The following NPTXR variants were observed in gnomAD, a reference collection of about 807,000 sequenced individuals.
NPTXR encodes neuronal pentraxin receptor.
Under a neutral mutation model 32.2 loss-of-function variants are expected in NPTXR, and 12 were observed. The observed-to-expected ratio is 0.37, with a 90% CI of 0.24 to 0.60. The LOEUF (loss-of-function observed/expected upper bound fraction) is 0.60. NPTXR is among the 20% of genes least tolerant of loss of function. The pLI, the probability that NPTXR is intolerant of heterozygous loss-of-function variation, is 0.66. For missense variants in NPTXR, 612 were observed against 682.9 expected (o/e 0.90, Z 1.16); for synonymous variants, 323 against 315.8 (o/e 1.02, Z -0.24).
In NPTXR at chr22:38,820,599, GC is replaced by G. The variant is rs1178828088; in HGVS notation, c.*2009del. On this transcript the variant is annotated 3_prime_UTR_variant, in exon 5 of 5. Transcript: ENST00000333039. The stretch of plus-strand genomic sequence containing the variant: ...TCCCCGCACTTCCTGGGGTGGGGAT[GC>G]CAAGATGTTTGGGTGTTGCATAAAG... 1.3e-5 allele frequency: 2 copies of G among 152,236 alleles called. No homozygotes were observed. Among genetic ancestry groups the G allele is most frequent in the African/African-American group, 4.8e-5 (2 of 41,430 alleles). 9.4% of individuals were successfully genotyped at this position (152,236 alleles called of 1,614,324 possible). A position where few individuals can be genotyped will look rare whatever the true frequency, so the allele number is the denominator to read the frequency against.
At chr22:38,823,839 C>T (rs1405200312) in intron 3 of NPTXR, among the ~76,000 whole-genome samples, 1 of 152,190 alleles carries the variant, frequency 6.6e-6, no homozygotes, top group Non-Finnish European at 1.5e-5. Context: ...TCACGAGCCT[C>T]GATTTAGCTC....
In NPTXR at chr22:38,823,112, G is replaced by A; in HGVS notation, c.1249C>T (p.His417Tyr). Residue 417 changes from histidine to tyrosine, a missense_variant, in exon 4 of 5, where the codon CAT becomes TAT. Coordinates refer to ENST00000333039, the MANE Select transcript of NPTXR (RefSeq NM_014293.4). ...TCCTGGCCCAAGATAAGGATCCCAT[G>A]AGGCTTGATGGGGTGCCAGGCAGCC... 1 of 1,614,194 alleles carries A rather than the reference G, an allele frequency of 6.2e-7. No homozygotes were observed. The highest frequency in any genetic ancestry group is 8.5e-7 in the Non-Finnish European group (1 of 1,180,028).
intron 1 of NPTXR, among the ~76,000 whole-genome samples, chr22:38,837,467 G>A (rs1038645744): frequency 1.3e-5 from 2 of 152,232 alleles, no homozygotes; most frequent in Admixed American, 6.5e-5. Context: ...CTTCTAGAAT[G>A]GGCAGCAAAG....
At chr22:38,840,617 A>G (rs1340718249) in intron 1 of NPTXR, among the ~76,000 whole-genome samples, 1 of 152,022 alleles carries the variant, frequency 6.6e-6, no homozygotes, top group South Asian at 2.1e-4. Context: ...GCTGAAACAC[A>G]GTGTGGTTAG....
intron 1 of NPTXR, among the ~76,000 whole-genome samples, chr22:38,835,564 C>T (rs889865813): frequency 6.6e-6 from 1 of 152,146 alleles, no homozygotes; most frequent in African/African-American, 2.4e-5. Context: ...TGTCTAAAGA[C>T]CCCTCTGGCC....
chr22:38,818,974 G>A lies in NPTXR; in HGVS notation c.*3635C>T, dbSNP rs1427958350. 6.6e-6 allele frequency: 1 copy of A among 152,348 alleles called. No homozygotes were observed. The highest frequency in any genetic ancestry group is 2.4e-5 in the African/African-American group (1 of 41,448). The allele number at this position is 152,348 out of a possible 1,614,324, so 9.4% of individuals were successfully genotyped here. A position where few individuals can be genotyped will look rare whatever the true frequency, so the allele number is the denominator to read the frequency against. On this transcript the variant is annotated 3_prime_UTR_variant, in exon 5 of 5. Transcript: ENST00000333039. The surrounding 1 kb of genome is among the most constrained non-coding windows in gnomAD (Gnocchi z 4.5). ...CGTGTCCAGCTGGGTGGCCTTGAGGGTCGCTCCCCTCCCCGGGCTTCAGCT... is the reference window on the plus strand; with the variant it reads ...CGTGTCCAGCTGGGTGGCCTTGAGGATCGCTCCCCTCCCCGGGCTTCAGCT...
At chr22:38,836,824 T>C (rs1342937550) in intron 1 of NPTXR, among the ~76,000 whole-genome samples, 1 of 152,138 alleles carries the variant, frequency 6.6e-6, no homozygotes, top group East Asian at 1.9e-4. Context: ...TTTTATTTAT[T>C]TATTTTTTGA....
Position 38,826,760 on chromosome 22 carries a change from A to C in NPTXR, c.851-13T>G. 1 of 1,607,392 alleles carries C rather than the reference A, an allele frequency of 6.2e-7. No individual in the cohort carries two copies. On this transcript the variant is annotated splice_polypyrimidine_tract_variant and intron_variant, in intron 2 of 4. Coordinates refer to ENST00000333039, the MANE Select transcript of NPTXR (RefSeq NM_014293.4). Reference sequence around the variant, plus strand: ...TAGGCTGAGGACCCTGAGGGTGGGCAAGGCAGACATGGTGGAGGTCGGTGG... The same window carrying C: ...TAGGCTGAGGACCCTGAGGGTGGGCCAGGCAGACATGGTGGAGGTCGGTGG...
intron 1 of NPTXR, among the ~76,000 whole-genome samples, chr22:38,829,942 G>C (rs1428617165): frequency 6.6e-6 from 1 of 152,202 alleles, no homozygotes; most frequent in Non-Finnish European, 1.5e-5. Context: ...GGTGACACTG[G>C]ACACTGCTGG....
chr22:38,839,575 G>A (rs1003351091), intron 1 of NPTXR, among the ~76,000 whole-genome samples: 4 of 152,104 alleles, frequency 2.6e-5, no homozygotes, highest in African/African-American at 9.7e-5. Context: ...AACCTAGAAG[G>A]CGGAGGTTGC....
intron 2 of NPTXR, among the ~76,000 whole-genome samples, chr22:38,827,839 C>T (rs2093109651): frequency 6.6e-6 from 1 of 152,180 alleles, no homozygotes; most frequent in South Asian, 2.1e-4. Flanking sequence ...TTCCTTTGAC[C>T]CCTTGGCAGT....
Position 38,828,069 on chromosome 22 carries a change from A to G in NPTXR, c.850+218T>C, listed in dbSNP as rs146005866. On this transcript the variant is annotated intron_variant, in intron 2 of 4. Coordinates refer to ENST00000333039, the MANE Select transcript of NPTXR (RefSeq NM_014293.4). ...AGCTGATGTATCAAGTACTTAGCCC[A>G]CTCCCAGGACACAGTAAGTGCCAGA... is the stretch of plus-strand genomic sequence containing the variant. Among the ~76,000 whole-genome samples the G allele has an allele frequency of 2.6e-5, 4 of 152,130 alleles. No homozygotes were observed. The East Asian group carries it at 7.7e-4, about 29-fold the overall frequency.
intron 1 of NPTXR, among the ~76,000 whole-genome samples, chr22:38,832,024 A>G (rs546272787): frequency 1.3e-5 from 2 of 152,248 alleles, no homozygotes; most frequent in East Asian, 3.9e-4. Context: ...TGCCAGGAAG[A>G]ACAGAGGGAG....
chr22:38,824,949 C>T (rs528432340), intron 3 of NPTXR, among the ~76,000 whole-genome samples: 1 of 152,328 alleles, frequency 6.6e-6, no homozygotes, highest in Admixed American at 6.5e-5. Context: ...ATCAATCACT[C>T]CTAGTGGCTT....
Position 38,822,823 on chromosome 22 carries a change from C to G in NPTXR, c.1289G>C (p.Gly430Ala). 1 of 1,613,686 alleles carries G rather than the reference C, an allele frequency of 6.2e-7. No individual in the cohort carries two copies. Reference sequence around the variant, plus strand: ...GGCCTGGGTGGCATCAAACCGGCCACCCAGGGTATCCTGGGCCAAGACAGC... The same window carrying G: ...GGCCTGGGTGGCATCAAACCGGCCAGCCAGGGTATCCTGGGCCAAGACAGC... The change falls in exon 5 of 5, where the codon GGT (glycine) becomes GCT (alanine). Residue 430 changes from glycine (G) to alanine (A), a missense_variant. Coordinates refer to ENST00000333039, the MANE Select transcript of NPTXR (RefSeq NM_014293.4).
intron 1 of NPTXR, among the ~76,000 whole-genome samples, chr22:38,837,611 A>T (rs565288114): frequency 6.6e-6 from 1 of 152,160 alleles, no homozygotes; most frequent in Non-Finnish European, 1.5e-5. Context: ...GGCGGTACAC[A>T]CATGTACCCC....
intron 1 of NPTXR, 103 bp from the exon 2 acceptor site, chr22:38,828,615 C>G: frequency 2.4e-6 from 2 of 841,496 alleles, no homozygotes; most frequent in Non-Finnish European, 3.6e-6. Context: ...AGGGGAGCCT[C>G]AGCTTCCCCA....
chr22:38,822,631 C>A lies in NPTXR; in HGVS notation c.1481G>T (p.Cys494Phe). 1 of 1,612,814 alleles carries A rather than the reference C, an allele frequency of 6.2e-7. No individual in the cohort carries two copies. The highest frequency in any genetic ancestry group is 8.5e-7 in the Non-Finnish European group (1 of 1,179,662). ...CCCTCATGCCTTGGCCCTCCCCTTG[C>A]AGACATCGAAGGCAGCCTTTGTTGC... The change falls in exon 5 of 5, where the codon TGC becomes TTC. Residue 494 changes from cysteine (C) to phenylalanine (F), a missense_variant. Physicochemically the swap from Cys to Phe is radical, Grantham distance 205. Coordinates refer to ENST00000333039, the MANE Select transcript of NPTXR (RefSeq NM_014293.4).
intron 1 of NPTXR, among the ~76,000 whole-genome samples, chr22:38,842,794 C>T (rs892544494): frequency 6.6e-6 from 1 of 152,142 alleles, no homozygotes; most frequent in African/African-American, 2.4e-5. Flanking sequence ...CTTTGGACAG[C>T]GCATCCATCT....
Sources: gnomAD v4.1 joint callset for allele counts (sites outside exome capture counted in the v4.1 genomes callset) on GRCh38, gnomAD v4.1.1 for gene constraint, Gnocchi (gnomAD v3.1) non-coding constraint, MANE v1.5 for transcripts, NCBI Gene and HGNC (gene_info 2026-07-23, HGNC 2026-07-21) for gene names.